The following PPP4R1 variants were observed in gnomAD, a reference collection of about 807,000 sequenced individuals.
PPP4R1 encodes serine/threonine-protein phosphatase 4 regulatory subunit 1.
A neutral mutation model predicts 111.2 loss-of-function variants in PPP4R1; 42 were observed. The observed-to-expected ratio is 0.38, with a 90% CI of 0.29 to 0.49. PPP4R1 has a LOEUF of 0.49. PPP4R1 is among the 20% of genes least tolerant of loss of function. The pLI, the probability that PPP4R1 is intolerant of heterozygous loss-of-function variation, is 0.97. For missense variants in PPP4R1, 1,012 were observed against 1,161.6 expected, an observed-to-expected ratio of 0.87 and a Z score of 1.87; for synonymous variants, 409 against 405.5, an observed-to-expected ratio of 1.01 and a Z score of -0.10.
intron 9 of PPP4R1, among the ~76,000 whole-genome samples, chr18:9,579,931 A>C (rs1184279984): frequency 6.6e-6 from 1 of 152,184 alleles, no homozygotes; most frequent in African/African-American, 2.4e-5. Flanking sequence ...ACAGCTGTAT[A>C]TCTCTAAAAT....
At chr18:9,558,468 G>A (rs1598896021) in intron 14 of PPP4R1, among the ~76,000 whole-genome samples, 1 of 152,282 alleles carries the variant, frequency 6.6e-6, no homozygotes, top group East Asian at 1.9e-4. Context: ...CACTTAAAAA[G>A]TATATGAACA....
At chr18:9,611,137 C>T (rs1038325616) in intron 2 of PPP4R1, among the ~76,000 whole-genome samples, 1 of 152,166 alleles carries the variant, frequency 6.6e-6, no homozygotes, top group African/African-American at 2.4e-5. Context: ...TCTCTTCCCT[C>T]ATAGTCCAGG....
intron 18 of PPP4R1, 141 bp from the exon 19 acceptor site, chr18:9,549,479 T>G (rs936123843): frequency 2.0e-5 from 21 of 1,025,190 alleles, no homozygotes; most frequent in Non-Finnish European, 2.5e-5. Flanking sequence ...ACTTGGGAAC[T>G]CAAATCAAAA....
chr18:9,584,590 A>G lies in PPP4R1; in HGVS notation c.694-10T>C. The G allele has an allele frequency of 6.2e-7, 1 of 1,610,118 alleles. No individual in the cohort carries two copies. The highest frequency in any genetic ancestry group is 8.5e-7 in the Non-Finnish European group (1 of 1,178,826). ...AATTGGCAGCACAGACCTGACAACA[A>G]AAGCATCATTGACATTTCAAAATAT... is the stretch of plus-strand genomic sequence containing the variant. On this transcript the variant is annotated splice_polypyrimidine_tract_variant and intron_variant, in intron 7 of 19. Coordinates refer to ENST00000400556, the MANE Select transcript of PPP4R1 (RefSeq NM_001042388.3).
In PPP4R1 at chr18:9,548,409, C is replaced by CGG. The variant is rs34715958; in HGVS notation, c.2690-459_2690-458dup. Among the ~76,000 whole-genome samples the CGG allele has an allele frequency of 4.6e-3, 695 of 151,730 alleles. 3 individuals are homozygous for CGG. Among genetic ancestry groups the CGG allele is most frequent in the African/African-American group, 6.6e-3 (275 of 41,374 alleles). ...ATGAGGTGTTTTGGGCGGCAGGCGG[C>CGG]GGGGGGGTCGATTAAAATAAATAAA... On this transcript the variant is annotated intron_variant, in intron 19 of 19. Coordinates refer to ENST00000400556, the MANE Select transcript of PPP4R1 (RefSeq NM_001042388.3).
chr18:9,599,251 G>A (rs1471818008), intron 2 of PPP4R1, among the ~76,000 whole-genome samples: 2 of 152,140 alleles, frequency 1.3e-5, no homozygotes, highest in African/African-American at 2.4e-5. Context: ...CTTACGCTGT[G>A]TGTGAAGAGA....
chr18:9,555,986 A>C (rs2066571782), intron 15 of PPP4R1, among the ~76,000 whole-genome samples: 1 of 75,678 alleles, frequency 1.3e-5, no homozygotes, highest in Admixed American at 1.5e-4. Flanking sequence ...ACAAACAAAC[A>C]AACAAACAAA....
At chr18:9,575,379 CAA>C (rs1185269159) in intron 10 of PPP4R1, among the ~76,000 whole-genome samples, 7 of 152,166 alleles carry the variant, frequency 4.6e-5, no homozygotes, top group African/African-American at 1.7e-4. Context: ...GGAGGGCAAA[CAA>C]ACTAATGGTT....
chr18:9,591,184 C>T (rs956029393), intron 4 of PPP4R1, among the ~76,000 whole-genome samples: 1 of 151,816 alleles, frequency 6.6e-6, no homozygotes, highest in African/African-American at 2.4e-5. Flanking sequence ...CCCATCTCTA[C>T]TAAAAATACA....
In PPP4R1 at chr18:9,614,321, G is replaced by A; in HGVS notation, c.8-51C>T. 2 of 1,153,934 alleles carry A rather than the reference G, an allele frequency of 1.7e-6. No individual in the cohort carries two copies. Among genetic ancestry groups the A allele is most frequent in the African/African-American group, 1.7e-5 (1 of 57,754 alleles). 71.5% of individuals were successfully genotyped at this position (1,153,934 alleles called of 1,614,324 possible). A position where few individuals can be genotyped will look rare whatever the true frequency, so the allele number is the denominator to read the frequency against. ...CCCGGTCAGCGCCCCGGGGCCCGGCGCGACGCCCCCCCCCCGCCCGCCTCC... is the reference window on the plus strand; with the variant it reads ...CCCGGTCAGCGCCCCGGGGCCCGGCACGACGCCCCCCCCCCGCCCGCCTCC... On this transcript the variant is annotated intron_variant, in intron 1 of 19. Transcript: ENST00000400556. This position sits in a 1 kb window ranked among gnomAD's most constrained non-coding sequence, Gnocchi z 4.1.
At chr18:9,596,948 C>A (rs867146991) in intron 2 of PPP4R1, among the ~76,000 whole-genome samples, 26 of 152,166 alleles carry the variant, frequency 1.7e-4, no homozygotes, top group Non-Finnish European at 2.8e-4. Context: ...CAACTTAACC[C>A]TCACACCTTA....
chr18:9,577,272 T>C, intron 9 of PPP4R1, 81 bp from the exon 10 acceptor site: 2 of 1,392,252 alleles, frequency 1.4e-6, no homozygotes, highest in African/African-American at 1.5e-5. Flanking sequence ...TATTTAATAA[T>C]CTACTTTCAA....
intron 14 of PPP4R1, among the ~76,000 whole-genome samples, chr18:9,558,123 C>A (rs775853155): frequency 2.0e-4 from 30 of 152,272 alleles, no homozygotes; most frequent in South Asian, 4.1e-4. Context: ...AAAATTTTTA[C>A]ATAGTAACTT....
chr18:9,548,785 G>A (rs2066440818), intron 19 of PPP4R1, among the ~76,000 whole-genome samples: 2 of 152,298 alleles, frequency 1.3e-5, no homozygotes, highest in South Asian at 4.1e-4. Flanking sequence ...GGGCGTGGTG[G>A]CGGGCACCTG....
At chr18:9,587,965 C>A (rs1461793109) in intron 6 of PPP4R1, 124 bp downstream of exon 6, 7 of 1,231,706 alleles carry the variant, frequency 5.7e-6, no homozygotes, top group Middle Eastern at 2.3e-4. Context: ...GATCCACCCA[C>A]CTCGGCCTCC....
intron 15 of PPP4R1, among the ~76,000 whole-genome samples, chr18:9,555,168 T>G (rs144021837): frequency 6.6e-6 from 1 of 152,074 alleles, no homozygotes; most frequent in East Asian, 1.9e-4. Flanking sequence ...TTGGGCGTGG[T>G]GGTGCGCCTG....
chr18:9,590,088 T>C (rs2067186075), intron 4 of PPP4R1: 1 of 152,092 alleles, frequency 6.6e-6, no homozygotes, highest in African/African-American at 2.4e-5. Context: ...GTGACTGAAA[T>C]ACAGACAGAC....
chr18:9,583,293 A>G lies in PPP4R1; in HGVS notation c.760-18T>C. The G allele has an allele frequency of 6.6e-7, 1 of 1,517,662 alleles. No homozygotes were observed. Among genetic ancestry groups the G allele is most frequent in the Non-Finnish European group, 8.9e-7 (1 of 1,119,414 alleles). 94.0% of individuals were successfully genotyped at this position (1,517,662 alleles called of 1,614,324 possible). The stretch of plus-strand genomic sequence containing the variant: ...CTGGGCAGCTATGTGAAAAGGAAAG[A>G]GTCTTGTTAGTTGGATAAAGATAGC... On this transcript the variant is annotated intron_variant, in intron 8 of 19. Transcript: ENST00000400556.
At chr18:9,548,036 A>C (rs1380168356) in intron 19 of PPP4R1, 84 bp from the exon 20 acceptor site, 1 of 1,374,524 alleles carries the variant, frequency 7.3e-7, no homozygotes, top group Non-Finnish European at 1.0e-6. Context: ...GTAAACAGTT[A>C]AACTGGGTAT....
Sources: gnomAD v4.1 joint callset for allele counts (sites outside exome capture counted in the v4.1 genomes callset) on GRCh38, gnomAD v4.1.1 for gene constraint, Gnocchi (gnomAD v3.1) non-coding constraint, MANE v1.5 for transcripts, NCBI Gene and HGNC (gene_info 2026-07-23, HGNC 2026-07-21) for gene names.